CFAP61: variants seen among roughly 807,000 people sequenced by gnomAD.
The protein encoded by CFAP61 is cilia- and flagella-associated protein 61.
In CFAP61, 107 loss-of-function variants were observed where a neutral mutation model predicts 135.6. That is an observed-to-expected ratio of 0.79 (90% CI 0.67 to 0.93). The LOEUF is 0.93. CFAP61 is among the 40% of genes least tolerant of loss of function. The probability of loss-of-function intolerance (pLI) is 0.00; values close to 1 mark genes in which losing one functional copy is unlikely to be tolerated. For missense variants in CFAP61, 1,507 were observed against 1,556.2 expected, an observed-to-expected ratio of 0.97 and a Z score of 0.53; for synonymous variants, 575 against 578.5, an observed-to-expected ratio of 0.99 and a Z score of 0.09.
At chr20:20,354,633 G>T (rs2058974794) in intron 26 of CFAP61, among the ~76,000 whole-genome samples, 1 of 152,208 alleles carries the variant, frequency 6.6e-6, no homozygotes, top group African/African-American at 2.4e-5. Flanking sequence ...TGTGAAGGGA[G>T]ATAGTCACAC....
chr20:20,318,104 A>G (rs113149664), intron 25 of CFAP61, among the ~76,000 whole-genome samples: 3 of 152,282 alleles, frequency 2.0e-5, no homozygotes, highest in African/African-American at 7.2e-5. Context: ...TCTTGGGTCA[A>G]TCGTTGCCCT....
chr20:20,113,380 A>G (rs1024145929), intron 8 of CFAP61, among the ~76,000 whole-genome samples: 1 of 152,208 alleles, frequency 6.6e-6, no homozygotes, highest in African/African-American at 2.4e-5. Flanking sequence ...ACTTGTGGAT[A>G]TCTTTTATCA....
At chr20:20,328,294 A>G (rs766926392) in intron 25 of CFAP61, among the ~76,000 whole-genome samples, 10 of 152,182 alleles carry the variant, frequency 6.6e-5, no homozygotes. Flanking sequence ...AGACACAGCC[A>G]TACCCCAGGT....
chr20:20,237,833 A>C (rs1217074910), intron 18 of CFAP61, among the ~76,000 whole-genome samples: 4 of 152,172 alleles, frequency 2.6e-5, no homozygotes, highest in Non-Finnish European at 5.9e-5. Flanking sequence ...AATACTTAAC[A>C]GTTTCCTGCA....
At chr20:20,299,099 G>C (rs1394124437) in intron 25 of CFAP61, among the ~76,000 whole-genome samples, 4 of 152,142 alleles carry the variant, frequency 2.6e-5, no homozygotes, top group Non-Finnish European at 5.9e-5. Context: ...CAGTGTTCTC[G>C]ACACCCACAG....
At chr20:20,356,162 A>G (rs1370473324) in intron 26 of CFAP61, among the ~76,000 whole-genome samples, 75 of 59,902 alleles carry the variant, frequency 1.3e-3, no homozygotes, top group African/African-American at 2.4e-3. Context: ...ACTGAGGGGA[A>G]GTGGTCACAC....
At chr20:20,082,692 A>G (rs932369575) in intron 6 of CFAP61, among the ~76,000 whole-genome samples, 5 of 152,222 alleles carry the variant, frequency 3.3e-5, no homozygotes, top group African/African-American at 1.2e-4. Context: ...TTCTTTGTTG[A>G]TAACAATGGT....
chr20:20,063,052 C>T (rs1380600907), intron 2 of CFAP61, among the ~76,000 whole-genome samples: 1 of 152,108 alleles, frequency 6.6e-6, no homozygotes, highest in Non-Finnish European at 1.5e-5. Flanking sequence ...TTAAAATCAA[C>T]TTAAGAAATG....
intron 10 of CFAP61, among the ~76,000 whole-genome samples, chr20:20,163,069 T>C (rs978405380): frequency 2.0e-5 from 3 of 152,170 alleles, no homozygotes; most frequent in Admixed American, 2.0e-4. Context: ...GGTAAATATA[T>C]ACCCAAATAA....
chr20:20,069,157 A>C (rs2045528656), intron 2 of CFAP61, among the ~76,000 whole-genome samples: 3 of 152,226 alleles, frequency 2.0e-5, no homozygotes, highest in Admixed American at 2.0e-4. Flanking sequence ...AAGTACAGGA[A>C]GCGCATGTGT....
At chr20:20,324,319 C>G (rs1031155634) in intron 25 of CFAP61, among the ~76,000 whole-genome samples, 1 of 152,078 alleles carries the variant, frequency 6.6e-6, no homozygotes, top group Non-Finnish European at 1.5e-5. Flanking sequence ...CAACACTGAC[C>G]GCAGTCTCAG....
intron 25 of CFAP61, among the ~76,000 whole-genome samples, chr20:20,315,492 G>C (rs1184851651): frequency 2.0e-5 from 3 of 152,190 alleles, no homozygotes; most frequent in African/African-American, 4.8e-5. Flanking sequence ...TAGGTTGCCT[G>C]TTCACTCTGA....
intron 13 of CFAP61, chr20:20,184,527 G>C (rs1352351550): frequency 1.3e-5 from 2 of 152,242 alleles, no homozygotes; most frequent in Non-Finnish European, 2.9e-5. Flanking sequence ...TTTAAATAGG[G>C]GGTCAGGGTC....
chr20:20,275,765 CG>C (rs2053707999), intron 21 of CFAP61, among the ~76,000 whole-genome samples: 1 of 152,208 alleles, frequency 6.6e-6, no homozygotes, highest in Non-Finnish European at 1.5e-5. Context: ...TTATAGTTTT[CG>C]GTTCAAGTTT....
chr20:20,343,009 C>T (rs926382562), intron 26 of CFAP61, among the ~76,000 whole-genome samples: 20 of 152,080 alleles, frequency 1.3e-4, no homozygotes, highest in African/African-American at 4.1e-4. Context: ...TACAGGCACC[C>T]GCCACCACAC....
chr20:20,286,184 T>C (rs1189953132), intron 22 of CFAP61, among the ~76,000 whole-genome samples: 1 of 152,208 alleles, frequency 6.6e-6, no homozygotes, highest in East Asian at 1.9e-4. Flanking sequence ...CAGGAGGTTA[T>C]ACCACCAAGG....
chr20:20,138,539 G>A lies in CFAP61; in HGVS notation c.860-4318G>A, dbSNP rs117073189. Among the ~76,000 whole-genome samples, 349 of 151,942 alleles carry A rather than the reference G, an allele frequency of 2.3e-3. 2 individuals carry two copies. Among genetic ancestry groups the A allele is most frequent in the Middle Eastern group, 0.01 (3 of 294 alleles). On this transcript the variant is annotated intron_variant, in intron 8 of 26. Transcript: ENST00000245957. ...GTCACTGCACTTTCTCTCCCCAAGTGTACAGATTTTCCACGCCACGTGGCT... is the reference window on the plus strand; with the variant it reads ...GTCACTGCACTTTCTCTCCCCAAGTATACAGATTTTCCACGCCACGTGGCT...
At chr20:20,187,862 C>T (rs2055624106) in intron 13 of CFAP61, 68 bp from the exon 14 acceptor site, 2 of 1,222,946 alleles carry the variant, frequency 1.6e-6, no homozygotes, top group Middle Eastern at 2.0e-4. Context: ...TATTACAATT[C>T]TGTCTCCATT....
intron 26 of CFAP61, among the ~76,000 whole-genome samples, chr20:20,357,982 G>A (rs1282629877): frequency 1.6e-5 from 2 of 128,276 alleles, no homozygotes; most frequent in Admixed American, 7.9e-5. Flanking sequence ...GTGAGGGGAG[G>A]TGGTCATAGT....
Sources: allele counts gnomAD v4.1 joint callset (sites outside exome capture counted in the v4.1 genomes callset), GRCh38; gene constraint gnomAD v4.1.1; transcripts MANE v1.5; gene names NCBI Gene and HGNC (gene_info 2026-07-23, HGNC 2026-07-21).